NAT10: variants seen among roughly 807,000 people sequenced by gnomAD.
NAT10 encodes the protein N-acetyltransferase 10.
A neutral mutation model predicts 132.2 loss-of-function variants in NAT10; 109 were observed. The ratio of observed to expected loss-of-function variants is 0.82; its 90% CI spans 0.71 to 0.97. NAT10 has a LOEUF of 0.97. Ranked by LOEUF, NAT10 falls within the 50% of genes least tolerant of loss-of-function variation. The pLI is 0.00. For missense variants in NAT10, 1,184 were observed against 1,263.4 expected (o/e 0.94, Z 0.95); for synonymous variants, 479 against 478.0 (o/e 1.00, Z -0.03).
In NAT10 at chr11:34,118,273, G is replaced by A; in HGVS notation, c.651G>A (p.Glu217=). ...TCTCCTCCCACGTTGCCACCATGGA[G>A]GCCCTGCCTCCCCAGACTCCGGTGA... ...LPISSHVATM[E]ALPPQTPDES... The change falls in exon 7 of 29, where the codon GAG becomes GAA. Residue 217 remains glutamate (E), a synonymous_variant. Coordinates refer to ENST00000257829, the MANE Select transcript of NAT10 (RefSeq NM_024662.3). 6.2e-7 allele frequency: 1 copy of A among 1,614,148 alleles called. No homozygotes were observed. Among genetic ancestry groups the A allele is most frequent in the Non-Finnish European group, 8.5e-7 (1 of 1,180,020 alleles).
At chr11:34,132,756 A>T (rs762766130) in intron 15 of NAT10, among the ~76,000 whole-genome samples, 1 of 152,224 alleles carries the variant, frequency 6.6e-6, no homozygotes, top group Non-Finnish European at 1.5e-5. Flanking sequence ...TAGCTGTGAA[A>T]TAAGTAGTGC....
intron 28 of NAT10, 79 bp downstream of exon 28, chr11:34,143,607 A>T: frequency 7.4e-7 from 1 of 1,350,784 alleles, no homozygotes; most frequent in Non-Finnish European, 1.0e-6. Context: ...TTGACTAGAA[A>T]ATAGGAGGTT....
chr11:34,124,768 C>A (rs1374427006), intron 11 of NAT10, among the ~76,000 whole-genome samples: 1 of 152,176 alleles, frequency 6.6e-6, no homozygotes, highest in Non-Finnish European at 1.5e-5. Context: ...AACCTTACAG[C>A]TTAAATGAAA....
chr11:34,144,863 A>G (rs546004116), intron 28 of NAT10, among the ~76,000 whole-genome samples: 70 of 152,338 alleles, frequency 4.6e-4, no homozygotes, highest in African/African-American at 1.7e-3. Flanking sequence ...AAAAGCTTAT[A>G]TTTTGGAAAC....
chr11:34,136,597 T>C lies in NAT10; in HGVS notation c.2029-45T>C, dbSNP rs1337250283. The C allele has an allele frequency of 3.1e-6, 5 of 1,612,658 alleles. No individual in the cohort carries two copies. In the African/African-American group the frequency reaches 5.3e-5, roughly 17 times the overall value. On this transcript the variant is annotated intron_variant, in intron 19 of 28. Coordinates refer to ENST00000257829, the MANE Select transcript of NAT10 (RefSeq NM_024662.3). ...GGCAGGGTGCTTGACGATGTCTCTC[T>C]CCCTCTGCTGAATGGACTGTGTTCT...
intron 6 of NAT10, among the ~76,000 whole-genome samples, chr11:34,117,172 C>A (rs557785453): frequency 8.5e-5 from 13 of 152,268 alleles, no homozygotes; most frequent in African/African-American, 3.1e-4. Context: ...CAGCAGGGAC[C>A]TGTTTAACTG....
Position 34,131,672 on chromosome 11 carries a change from CCTTTTTTTTTTTTCTTT to C in NAT10, c.1520+155_1520+171del, listed in dbSNP as rs1852107609. 2.4e-5 allele frequency: 20 copies of C among 830,688 alleles called. No individual in the cohort carries two copies. The East Asian group carries it at 3.8e-4, about 16-fold the overall frequency. The allele number at this position is 830,688 out of a possible 1,614,324, so 51.5% of individuals were successfully genotyped here. ...ACATTTTCAATTTCCTTTTTCTCTT[CCTTTTTTTTTTTTCTTT>C]CTTTTTTTTTTTTTTGAGATGGAGT... On this transcript the variant is annotated intron_variant, in intron 14 of 28. Coordinates refer to ENST00000257829, the MANE Select transcript of NAT10 (RefSeq NM_024662.3).
At chr11:34,133,885 G>A (rs1450180709) in intron 16 of NAT10, among the ~76,000 whole-genome samples, 1 of 151,910 alleles carries the variant, frequency 6.6e-6, no homozygotes, top group Non-Finnish European at 1.5e-5. Flanking sequence ...AGGCGCCATG[G>A]CTCACGCCTG....
Position 34,140,523 on chromosome 11 carries a change from T to A in NAT10, c.2543T>A (p.Ile848Asn). 6.2e-7 allele frequency: 1 copy of A among 1,614,130 alleles called. No individual in the cohort carries two copies. The change falls in exon 24 of 29, where the codon ATC (isoleucine) becomes AAC (asparagine). Residue 848 changes from isoleucine to asparagine, a missense_variant. Coordinates refer to ENST00000257829, the MANE Select transcript of NAT10 (RefSeq NM_024662.3). ...IMDMIPAISRIYFLNQLGDLA... is the reference protein window; with the variant it reads ...IMDMIPAISRNYFLNQLGDLA... The stretch of plus-strand genomic sequence containing the variant: ...GACATGATCCCGGCCATCTCTCGCA[T>A]CTATTTCCTGAACCAGCTGGGGGAC...
In NAT10 at chr11:34,124,299, C is replaced by A. The variant is rs1172168747; in HGVS notation, c.1009-3C>A. On this transcript the variant is annotated splice_polypyrimidine_tract_variant and splice_region_variant and intron_variant, in intron 10 of 28. Transcript: ENST00000257829. ...GTTTGTCATTGGTTTGACTCCCCAC[C>A]AGGAACATCTGGATTATGAGATTAT... 1 of 1,602,228 alleles carries A rather than the reference C, an allele frequency of 6.2e-7. No homozygotes were observed. The highest frequency in any genetic ancestry group is 1.7e-5 in the Admixed American group (1 of 58,756).
At chr11:34,131,955 A>G (rs945665555) in intron 14 of NAT10, among the ~76,000 whole-genome samples, 170 bp from the exon 15 acceptor site, 1 of 152,012 alleles carries the variant, frequency 6.6e-6, no homozygotes, top group Admixed American at 6.6e-5. Flanking sequence ...AAGTGCTGGG[A>G]TTACCGGTGT....
chr11:34,108,110 T>A (rs769200832), intron 1 of NAT10, 101 bp from the exon 2 acceptor site: 1 of 734,394 alleles, frequency 1.4e-6, no homozygotes, highest in Non-Finnish European at 2.4e-6. Context: ...ACAATACTTA[T>A]AGATATGCCT....
In NAT10 at chr11:34,141,821, T is replaced by A. The variant is rs1852338934; in HGVS notation, c.2811+4T>A. 10 of 1,612,356 alleles carry A rather than the reference T, an allele frequency of 6.2e-6. No homozygotes were observed. Among genetic ancestry groups the A allele is most frequent in the Non-Finnish European group, 8.5e-6 (10 of 1,179,008 alleles). On this transcript the variant is annotated splice_donor_region_variant and intron_variant, in intron 26 of 28. Transcript: ENST00000257829. ...GAAGACCCTCAGTGACGACCTAGTA[T>A]GTCCCTGCTCATGGCCTCGGGAGTC...
chr11:34,138,994 G>C (rs1224059111), intron 21 of NAT10, 197 bp from the exon 22 acceptor site: 4 of 574,094 alleles, frequency 7.0e-6, no homozygotes, highest in Non-Finnish European at 1.3e-5. Context: ...CTTTGCAGCT[G>C]TTGTGTGTGA....
rs1446343173 is a variant in NAT10 at position 34,139,216 on chromosome 11, G to T, written c.2237G>T (p.Cys746Phe). ...TPNDLTGEHS[C>F]IMLKTLTDED... Reference sequence around the variant, plus strand: ...AATGACCTGACCGGAGAGCACTCGTGCATCATGCTGAAGACGCTCACTGAT... The same window carrying T: ...AATGACCTGACCGGAGAGCACTCGTTCATCATGCTGAAGACGCTCACTGAT... The change falls in exon 22 of 29, where the codon TGC (cysteine) becomes TTC (phenylalanine). Residue 746 changes from cysteine (C) to phenylalanine (F), a missense_variant. Physicochemically the swap from Cys to Phe is radical, Grantham distance 205. Coordinates refer to ENST00000257829, the MANE Select transcript of NAT10 (RefSeq NM_024662.3). 4.0e-5 allele frequency: 65 copies of T among 1,614,014 alleles called. No individual in the cohort carries two copies. Among genetic ancestry groups the T allele is most frequent in the Non-Finnish European group, 5.5e-5 (65 of 1,180,002 alleles).
intron 4 of NAT10, 34 bp from the exon 5 acceptor site, chr11:34,113,682 A>G: frequency 1.3e-6 from 2 of 1,571,932 alleles, no homozygotes; most frequent in South Asian, 2.3e-5. Context: ...TGCTATTTGC[A>G]TGACCAGCCC....
Position 34,122,520 on chromosome 11 carries a change from C to G in NAT10, c.842C>G (p.Ala281Gly), listed in dbSNP as rs758573486. 1 of 1,614,184 alleles carries G rather than the reference C, an allele frequency of 6.2e-7. No individual in the cohort carries two copies. The highest frequency in any genetic ancestry group is 1.7e-5 in the Admixed American group (1 of 60,024). Reference protein sequence around the residue: ...ISEKTLRSTVALTAARGRGKS... With the variant: ...ISEKTLRSTVGLTAARGRGKS... ...GAAAAGACCCTGAGGAGTACTGTTG[C>G]ACTCACAGCTGCTCGAGGACGGGGA... is the stretch of plus-strand genomic sequence containing the variant. Residue 281 changes from alanine to glycine, a missense_variant, in exon 9 of 29, where the codon GCA (alanine) becomes GGA (glycine). Ala to Gly is a moderately conservative substitution (Grantham distance 60). Transcript: ENST00000257829.
intron 6 of NAT10, among the ~76,000 whole-genome samples, chr11:34,117,620 A>G (rs1022418088): frequency 6.6e-6 from 1 of 152,238 alleles, no homozygotes; most frequent in Non-Finnish European, 1.5e-5. Flanking sequence ...ACAGAAGCCT[A>G]TGAAATCCTT....
chr11:34,127,115 G>C (rs1852009305), intron 11 of NAT10, among the ~76,000 whole-genome samples: 1 of 152,244 alleles, frequency 6.6e-6, no homozygotes. Context: ...TCAGCACTGT[G>C]AGTCAGGCAC....
Sources: allele counts gnomAD v4.1 joint callset (sites outside exome capture counted in the v4.1 genomes callset), GRCh38; gene constraint gnomAD v4.1.1; transcripts MANE v1.5; gene names NCBI Gene and HGNC (gene_info 2026-07-23, HGNC 2026-07-21).